DMD: variants seen among roughly 807,000 people sequenced by gnomAD.
DMD encodes the protein dystrophin, also known as mutant dystrophin.
Under a neutral mutation model 330.1 loss-of-function variants are expected in DMD, and 63 were observed. That is an observed-to-expected ratio of 0.19 (90% CI 0.16 to 0.24). The LOEUF (loss-of-function observed/expected upper bound fraction) is 0.24. DMD is among the 10% of genes least tolerant of loss of function. The probability of loss-of-function intolerance (pLI) is 1.00; values close to 1 mark genes in which losing one functional copy is unlikely to be tolerated. For missense variants in DMD, 3,344 were observed against 2,684.1 expected, an observed-to-expected ratio of 1.25 and a Z score of -5.43; for synonymous variants, 1,223 against 959.8, an observed-to-expected ratio of 1.27 and a Z score of -5.07.
intron 44 of DMD, among the ~76,000 whole-genome samples, chrX:32,111,220 T>C (rs377539437): frequency 4.5e-5 from 5 of 111,966 alleles, no homozygotes; most frequent in African/African-American, 1.6e-4. Context: ...AATACAGTTT[T>C]AAAAGACAGA....
chrX:32,612,637 A>G (rs902922378), intron 12 of DMD, among the ~76,000 whole-genome samples: 8 of 111,232 alleles, frequency 7.2e-5, no homozygotes, highest in Admixed American at 9.6e-5. Flanking sequence ...CAACGAGAGA[A>G]GCAAATGTGC....
chrX:31,495,944 A>T (rs1422217258), intron 57 of DMD, among the ~76,000 whole-genome samples: 1 of 112,430 alleles, frequency 8.9e-6, no homozygotes, highest in Non-Finnish European at 1.9e-5. Flanking sequence ...GCTACTGGCA[A>T]CATCTGGCTA....
chrX:32,905,547 T>A (rs1332582315), intron 2 of DMD, among the ~76,000 whole-genome samples: 1 of 111,685 alleles, frequency 9.0e-6, no homozygotes, highest in Non-Finnish European at 1.9e-5. Flanking sequence ...CTGGCCACTC[T>A]CTTGTCCCCT....
At chrX:32,718,960 C>G (rs1016361932) in intron 7 of DMD, among the ~76,000 whole-genome samples, 2 of 111,975 alleles carry the variant, frequency 1.8e-5, no homozygotes, top group Non-Finnish European at 3.8e-5. Context: ...GGTAAATAAT[C>G]TGTAATTGGT....
At chrX:33,321,703 TC>T (rs1477677025) in intron 1 of DMD, among the ~76,000 whole-genome samples, 1 of 111,178 alleles carries the variant, frequency 9.0e-6, no homozygotes, top group Non-Finnish European at 1.9e-5. Context: ...ACTTCTCCTT[TC>T]TAGCTATGAA....
At chrX:31,136,415 AC>A (rs1459887231) in intron 76 of DMD, among the ~76,000 whole-genome samples, 1 of 112,087 alleles carries the variant, frequency 8.9e-6, no homozygotes, top group Non-Finnish European at 1.9e-5. Flanking sequence ...TGAATGAAAT[AC>A]TACCAAGAGG....
chrX:31,418,686 C>T (rs2063206017), intron 60 of DMD, among the ~76,000 whole-genome samples: 1 of 112,177 alleles, frequency 8.9e-6, no homozygotes. Flanking sequence ...TCTTGCTGCC[C>T]CTCTCTTTAT....
At chrX:31,543,532 C>T (rs1182674613) in intron 55 of DMD, among the ~76,000 whole-genome samples, 1 of 112,204 alleles carries the variant, frequency 8.9e-6, no homozygotes, top group East Asian at 2.8e-4. Flanking sequence ...ACACATCCAA[C>T]ACCAACTAAC....
At chrX:33,057,161 A>G (rs2094527566) in intron 1 of DMD, among the ~76,000 whole-genome samples, 1 of 111,997 alleles carries the variant, frequency 8.9e-6, no homozygotes, top group South Asian at 3.7e-4. Flanking sequence ...GATAGAACAA[A>G]TGCCAGATAA....
intron 7 of DMD, among the ~76,000 whole-genome samples, chrX:32,779,535 C>A (rs1339922486): frequency 9.1e-6 from 1 of 109,461 alleles, no homozygotes; most frequent in African/African-American, 3.3e-5. Context: ...TTCCCCCTTC[C>A]TGTGTCCATG....
intron 1 of DMD, among the ~76,000 whole-genome samples, chrX:33,299,547 G>T (rs2053632115): frequency 9.0e-6 from 1 of 111,571 alleles, no homozygotes; most frequent in African/African-American, 3.3e-5. Flanking sequence ...GGGCTAGGTA[G>T]TTGCTTCAGT....
chrX:31,889,620 G>GTCTCTCTC (rs34605571), intron 47 of DMD, among the ~76,000 whole-genome samples: 204 of 80,524 alleles, frequency 2.5e-3, no homozygotes, highest in Middle Eastern at 0.015. Context: ...CTCTCTCTCT[G>GTCTCTCTC]TCTCTCTCTC....
rs146192885 is a variant in DMD at position 33,321,344 on chromosome X, A to G, written c.7+17915T>C. Among the ~76,000 whole-genome samples, 315 of 111,787 alleles carry G rather than the reference A, an allele frequency of 2.8e-3. 4 individuals are homozygous for G. Among genetic ancestry groups the G allele is most frequent in the African/African-American group, 9.2e-3 (284 of 30,826 alleles). On this transcript the variant is annotated intron_variant, in intron 1 of 17. Transcript: ENST00000288447. The stretch of plus-strand genomic sequence containing the variant: ...CAGAATGGATGTTATATTAGCAGGT[A>G]TGAAAACAACATGAGTCTCCTTGTA...
Position 31,571,457 on chromosome X carries a change from T to G in DMD, c.8217+56216A>C, listed in dbSNP as rs557326523. 2.9e-4 allele frequency among the ~76,000 whole-genome samples: 32 copies of G among 110,746 alleles called. No homozygotes were observed. In the South Asian group the frequency reaches 9.3e-3, roughly 32 times the overall value. On this transcript the variant is annotated intron_variant, in intron 55 of 78. Coordinates refer to ENST00000357033, the MANE Select transcript of DMD (RefSeq NM_004006.3). ...TTGCAATATTTTTAAAATATTGTAATTTTTAAAAATCTGTCTCCGCTACTA... is the reference window on the plus strand; with the variant it reads ...TTGCAATATTTTTAAAATATTGTAAGTTTTAAAAATCTGTCTCCGCTACTA...
At chrX:31,312,260 GA>G (rs1423310259) in intron 62 of DMD, among the ~76,000 whole-genome samples, 6 of 112,045 alleles carry the variant, frequency 5.4e-5, no homozygotes, top group Non-Finnish European at 7.5e-5. Flanking sequence ...ATATTCACAA[GA>G]AAAAGACAAA....
chrX:31,744,274 A>G (rs1053082799), intron 51 of DMD, among the ~76,000 whole-genome samples: 4 of 111,551 alleles, frequency 3.6e-5, no homozygotes. Flanking sequence ...TAATAATAAT[A>G]ATGTTTGAAA....
At position 32,239,774 on chromosome X, in the gene DMD, C is replaced by T. The variant is rs755114054; in HGVS notation, c.6291-22711G>A. ...TACACTGGTAACCCATAAATTTATA[C>T]AATTAAGAATTTAAAAACTTAACCT... On this transcript the variant is annotated intron_variant, in intron 43 of 78. Coordinates refer to ENST00000357033, the MANE Select transcript of DMD (RefSeq NM_004006.3). Among the ~76,000 whole-genome samples, 29 of 111,261 alleles carry T rather than the reference C, an allele frequency of 2.6e-4. No individual in the cohort carries two copies. In the South Asian group the frequency reaches 5.0e-3, roughly 19 times the overall value.
intron 55 of DMD, among the ~76,000 whole-genome samples, chrX:31,557,138 C>T (rs984914534): frequency 8.9e-6 from 1 of 111,855 alleles, no homozygotes; most frequent in African/African-American, 3.2e-5. Flanking sequence ...CTGGGAGGAT[C>T]GGGAACAGCT....
At chrX:31,639,547 T>A (rs1223497053) in intron 54 of DMD, among the ~76,000 whole-genome samples, 1 of 111,810 alleles carries the variant, frequency 8.9e-6, no homozygotes, top group Non-Finnish European at 1.9e-5. Flanking sequence ...TTTTGGAAAA[T>A]TACGCTATGG....
Sources: gnomAD v4.1 joint callset for allele counts (sites outside exome capture counted in the v4.1 genomes callset) on GRCh38, gnomAD v4.1.1 for gene constraint, MANE v1.5 for transcripts, NCBI Gene and HGNC (gene_info 2026-07-23, HGNC 2026-07-21) for gene names.